Variants in TMEM218 observed in about 807,000 individuals in gnomAD.
TMEM218 encodes transmembrane protein 218.
In TMEM218, 8 loss-of-function variants were observed where a neutral mutation model predicts 10.0. The ratio of observed to expected loss-of-function variants is 0.80; its 90% CI spans 0.47 to 1.44. The LOEUF is 1.44. TMEM218 is among the 40% of genes most tolerant of loss of function. TMEM218 has a pLI of 0.00. For missense variants in TMEM218, 110 were observed against 140.1 expected, an observed-to-expected ratio of 0.79 and a Z score of 1.08; for synonymous variants, 66 against 63.5, an observed-to-expected ratio of 1.04 and a Z score of -0.18.
rs1951109563 is a variant in TMEM218 at position 125,102,740 on chromosome 11, A to G, written c.-83T>C. The G allele has an allele frequency of 3.9e-6, 5 of 1,283,366 alleles. No homozygotes were observed. Among genetic ancestry groups the G allele is most frequent in the Non-Finnish European group, 5.1e-6 (5 of 984,654 alleles). The allele number at this position is 1,283,366 out of a possible 1,614,324, so 79.5% of individuals were successfully genotyped here. A position where few individuals can be genotyped will look rare whatever the true frequency, so the allele number is the denominator to read the frequency against. On this transcript the variant is annotated 5_prime_UTR_variant, in exon 2 of 5. Transcript: ENST00000682305. Reference sequence around the variant, plus strand: ...GGTGTGAGCTGTGACTCACCAGGCAATGGATCACAAGACAGAAAGTTCCCA... The same window carrying G: ...GGTGTGAGCTGTGACTCACCAGGCAGTGGATCACAAGACAGAAAGTTCCCA...
At chr11:125,101,891 C>T in intron 3 of TMEM218, 1 of 527,776 alleles carries the variant, frequency 1.9e-6, no homozygotes. Context: ...ACTCAATAAG[C>T]AGTGAAAGCA....
chr11:125,100,410 C>T (rs1355667653), intron 4 of TMEM218, among the ~76,000 whole-genome samples: 3 of 152,196 alleles, frequency 2.0e-5, no homozygotes, highest in African/African-American at 7.2e-5. Flanking sequence ...TTAAATGAGA[C>T]AGTGCAAACA....
chr11:125,107,953 C>A (rs1952683099), intron 1 of TMEM218, among the ~76,000 whole-genome samples: 1 of 149,392 alleles, frequency 6.7e-6, no homozygotes, highest in South Asian at 2.1e-4. Flanking sequence ...AGAGAAATAA[C>A]CTGTGTTCCC....
rs557950602 is a variant in TMEM218, at chr11:125,095,828, G to T, written c.*1778C>A. Among the ~76,000 whole-genome samples, 1 of 152,016 alleles carries T rather than the reference G, an allele frequency of 6.6e-6. No homozygotes were observed. The highest frequency in any genetic ancestry group is 2.4e-5 in the African/African-American group (1 of 41,362). On this transcript the variant is annotated 3_prime_UTR_variant, in exon 5 of 5. Coordinates refer to ENST00000682305, the MANE Select transcript of TMEM218 (RefSeq NM_001258244.2). ...TCTAATAGTTGAATAACTTTTGGGG[G>T]GAATAAAAAAGATGGATTCATGGTC... is the stretch of plus-strand genomic sequence containing the variant.
rs1949627975 is a variant in TMEM218, at chr11:125,096,212, C to T, written c.*1394G>A. Among the ~76,000 whole-genome samples the T allele has an allele frequency of 6.6e-6, 1 of 152,104 alleles. No homozygotes were observed. Among genetic ancestry groups the T allele is most frequent in the African/African-American group, 2.4e-5 (1 of 41,412 alleles). The stretch of plus-strand genomic sequence containing the variant: ...ATAACTATACCTGGCCCTCACCAGC[C>T]CATGACTCTCAGTGGTTACCTGTTC... On this transcript the variant is annotated 3_prime_UTR_variant, in exon 5 of 5. Transcript: ENST00000682305.
rs1238539268 is a variant in TMEM218 at position 125,095,598 on chromosome 11, C to A, written c.*2008G>T. 6.6e-6 allele frequency among the ~76,000 whole-genome samples: 1 copy of A among 151,368 alleles called. No homozygotes were observed. Among genetic ancestry groups the A allele is most frequent in the Admixed American group, 6.6e-5 (1 of 15,196 alleles). On this transcript the variant is annotated 3_prime_UTR_variant, in exon 5 of 5. Transcript: ENST00000682305. ...GACTCCAGGTCTGTAGACTGTAGGT[C>A]AAGTCAAGCTGAAATAAACTTTGCA... is the stretch of plus-strand genomic sequence containing the variant.
In TMEM218 at chr11:125,108,301, T is replaced by TA. The variant is rs2135945618; in HGVS notation, c.-153+3237dup. 6.6e-6 allele frequency among the ~76,000 whole-genome samples: 1 copy of TA among 152,346 alleles called. No individual in the cohort carries two copies. Among genetic ancestry groups the TA allele is most frequent in the East Asian group, 1.9e-4 (1 of 5,190 alleles). On this transcript the variant is annotated intron_variant, in intron 1 of 4. Coordinates refer to ENST00000682305, the MANE Select transcript of TMEM218 (RefSeq NM_001258244.2). The surrounding 1 kb of genome is among the most constrained non-coding windows in gnomAD (Gnocchi z 5.3). ...ACTTCCTACAGCACAGAGTTGGCTT[T>TA]ATGATTCAATGGGTAAAGAACTTCA... is the stretch of plus-strand genomic sequence containing the variant.
rs1488047140 is a variant in TMEM218 at position 125,097,614 on chromosome 11, A to C, written c.340T>G (p.Ser114Ala). 6 of 1,613,980 alleles carry C rather than the reference A, an allele frequency of 3.7e-6. No individual in the cohort carries two copies. The African/African-American group carries it at 8.0e-5, about 22-fold the overall frequency. The change falls in exon 5 of 5, where the codon TCC becomes GCC. Residue 114 changes from serine (S) to alanine (A), a missense_variant. By Grantham distance (99) the Ser-to-Ala change is moderately conservative. Transcript: ENST00000682305. ...GTTTTCCTGAAGAGTGGTCAGTAGGAGTGCAGTGGTTTGGCATAGATCGGC... is the reference window on the plus strand; with the variant it reads ...GTTTTCCTGAAGAGTGGTCAGTAGGCGTGCAGTGGTTTGGCATAGATCGGC... ...LEPIYAKPLH[S>A]Y
rs563752884 is a variant in TMEM218 at position 125,101,147 on chromosome 11, C to T, written c.213+54G>A. 8.1e-6 allele frequency: 12 copies of T among 1,482,952 alleles called. No homozygotes were observed. The East Asian group carries it at 2.3e-4, about 28-fold the overall frequency. The allele number at this position is 1,482,952 out of a possible 1,614,324, so 91.9% of individuals were successfully genotyped here. A position where few individuals can be genotyped will look rare whatever the true frequency, so the allele number is the denominator to read the frequency against. On this transcript the variant is annotated intron_variant, in intron 4 of 4. Transcript: ENST00000682305. ...ATCAAGGGCAGGACGGATGTGCAGACCAAGAGAAATAAGAATCACAGCTCA... is the reference window on the plus strand; with the variant it reads ...ATCAAGGGCAGGACGGATGTGCAGATCAAGAGAAATAAGAATCACAGCTCA...
At chr11:125,103,291 G>A (rs1006338983) in intron 1 of TMEM218, 1 of 152,340 alleles carries the variant, frequency 6.6e-6, no homozygotes, top group Non-Finnish European at 1.5e-5. Flanking sequence ...GGCTCCTTAT[G>A]AGAATCTAAT....
chr11:125,102,480 C>T, intron 2 of TMEM218, 163 bp from the exon 3 acceptor site: 19 of 1,475,372 alleles, frequency 1.3e-5, no homozygotes, highest in Non-Finnish European at 1.7e-5. Flanking sequence ...GAACCCAAAG[C>T]CTTTCTCTTT....
chr11:125,101,361 T>C, intron 3 of TMEM218, 58 bp from the exon 4 acceptor site: 1 of 1,559,126 alleles, frequency 6.4e-7, no homozygotes, highest in Non-Finnish European at 8.7e-7. Context: ...CTTTGATCAG[T>C]TAGGTCTGGA....
intron 1 of TMEM218, among the ~76,000 whole-genome samples, chr11:125,110,935 C>T (rs2056673650): frequency 6.7e-6 from 1 of 150,090 alleles, no homozygotes; most frequent in South Asian, 2.1e-4. Context: ...TAGAATAACG[C>T]CTCTACCTTT....
chr11:125,099,354 T>G (rs1490372889), intron 4 of TMEM218, among the ~76,000 whole-genome samples: 1 of 152,194 alleles, frequency 6.6e-6, no homozygotes, highest in Non-Finnish European at 1.5e-5. Flanking sequence ...AGGCCTTGGG[T>G]GCAGAAGGCC....
At chr11:125,111,287 G>A (rs1377276025) in intron 1 of TMEM218, among the ~76,000 whole-genome samples, 2 of 152,218 alleles carry the variant, frequency 1.3e-5, no homozygotes, top group African/African-American at 4.8e-5. Context: ...AGGAGCTAGA[G>A]AGGGATTAAG....
At chr11:125,099,741 T>C (rs1950346086) in intron 4 of TMEM218, among the ~76,000 whole-genome samples, 2 of 151,956 alleles carry the variant, frequency 1.3e-5, no homozygotes, top group Non-Finnish European at 2.9e-5. Flanking sequence ...CTGGCCAACA[T>C]GGTGAAACCC....
At chr11:125,107,799 G>GTATATA (rs55846847) in intron 1 of TMEM218, among the ~76,000 whole-genome samples, 6 of 82,364 alleles carry the variant, frequency 7.3e-5, no homozygotes, top group Admixed American at 1.3e-4. Flanking sequence ...GGATATGTGT[G>GTATATA]TATATATATA....
intron 1 of TMEM218, chr11:125,104,023 C>T (rs1189084235): frequency 6.6e-6 from 1 of 152,206 alleles, no homozygotes; most frequent in East Asian, 1.9e-4. Context: ...CTGACAGAAG[C>T]TCAAGGTCTA....
In TMEM218 at chr11:125,095,726, A is replaced by G. The variant is rs1415322139; in HGVS notation, c.*1880T>C. On this transcript the variant is annotated 3_prime_UTR_variant, in exon 5 of 5. Coordinates refer to ENST00000682305, the MANE Select transcript of TMEM218 (RefSeq NM_001258244.2). ...ATTAGAAAACAGTAGTATTAAGGAT[A>G]GAATTTAGTTTCCAACCTTAATACA... 1.3e-5 allele frequency among the ~76,000 whole-genome samples: 2 copies of G among 152,222 alleles called. No homozygotes were observed. The highest frequency in any genetic ancestry group is 2.4e-5 in the African/African-American group (1 of 41,456).
Sources: allele counts gnomAD v4.1 joint callset (sites outside exome capture counted in the v4.1 genomes callset), GRCh38; gene constraint gnomAD v4.1.1; non-coding constraint Gnocchi (gnomAD v3.1); transcripts MANE v1.5; gene names NCBI Gene and HGNC (gene_info 2026-07-23, HGNC 2026-07-21).